MS4A5: variants seen among roughly 807,000 people sequenced by gnomAD.
MS4A5 encodes membrane-spanning 4-domains subfamily A member 5.
Under a neutral mutation model 18.2 loss-of-function variants are expected in MS4A5, and 15 were observed. That is an observed-to-expected ratio of 0.83 (90% CI 0.55 to 1.27). The LOEUF is 1.27. MS4A5 is among the 50% of genes most tolerant of loss of function. MS4A5 has a pLI of 0.00. For synonymous variants in MS4A5, 89 were observed against 78.7 expected (o/e 1.13, Z -0.69); for missense variants, 232 against 225.7 (o/e 1.03, Z -0.18).
chr11:60,434,081 T>C (rs1054418805), intron 4 of MS4A5, among the ~76,000 whole-genome samples, 164 bp downstream of exon 4: 1 of 152,202 alleles, frequency 6.6e-6, no homozygotes, highest in African/African-American at 2.4e-5. Context: ...CACCAGGCAT[T>C]GTGGAAGAGA....
At chr11:60,445,431 T>C (rs2086133688) in intron 4 of MS4A5, among the ~76,000 whole-genome samples, 1 of 152,052 alleles carries the variant, frequency 6.6e-6, no homozygotes, top group South Asian at 2.1e-4. Context: ...AGCTAATTTT[T>C]TGTATTTTAG....
chr11:60,437,531 T>C (rs2086087084), intron 4 of MS4A5, among the ~76,000 whole-genome samples: 1 of 152,144 alleles, frequency 6.6e-6, no homozygotes, highest in Non-Finnish European at 1.5e-5. Flanking sequence ...GAAATGCATC[T>C]CATGTGCAGA....
In MS4A5 at chr11:60,433,833, A is replaced by G. The variant is rs776231382; in HGVS notation, c.408A>G (p.Thr136=). ...CAATAGCTGGAATCATTCTCCTCAC[A>G]TTTGGTTTCATCCTAGATCAAAACT... The part of the protein sequence containing the change: ...LGAIAGIILL[T]FGFILDQNYI... The change falls in exon 4 of 5, where the codon ACA becomes ACG. Residue 136 remains threonine, a synonymous_variant. Transcript: ENST00000300190. 3 of 1,613,938 alleles carry G rather than the reference A, an allele frequency of 1.9e-6. No individual in the cohort carries two copies. The highest frequency in any genetic ancestry group is 1.7e-4 in the Middle Eastern group (1 of 6,060).
chr11:60,437,637 A>G (rs1163304472), intron 4 of MS4A5, among the ~76,000 whole-genome samples: 3 of 150,900 alleles, frequency 2.0e-5, no homozygotes, highest in South Asian at 4.2e-4. Context: ...TCTCTGATAA[A>G]ACAGACTTTA....
intron 4 of MS4A5, among the ~76,000 whole-genome samples, chr11:60,434,777 T>A (rs916908961): frequency 6.6e-6 from 1 of 152,198 alleles, no homozygotes; most frequent in Admixed American, 6.5e-5. Context: ...AAGCTACTTA[T>A]GCCTTCAGAC....
chr11:60,434,554 G>A (rs547081845), intron 4 of MS4A5, among the ~76,000 whole-genome samples: 1 of 152,268 alleles, frequency 6.6e-6, no homozygotes, highest in Non-Finnish European at 1.5e-5. Context: ...CAGAAAGCAG[G>A]ACTAAAGAGC....
chr11:60,447,274 C>CCTATG (rs368321160), intron 4 of MS4A5, among the ~76,000 whole-genome samples: 15 of 133,680 alleles, frequency 1.1e-4, no homozygotes, highest in African/African-American at 3.3e-4. Flanking sequence ...CCTATGGTAT[C>CCTATG]CTATGCTATG....
Position 60,429,587 on chromosome 11 carries a change from T to G in MS4A5, c.-88T>G, listed in dbSNP as rs1590829447. The G allele has an allele frequency of 7.7e-7, 1 of 1,295,070 alleles. No individual in the cohort carries two copies. Among genetic ancestry groups the G allele is most frequent in the Non-Finnish European group, 1.1e-6 (1 of 942,614 alleles). 80.2% of individuals were successfully genotyped at this position (1,295,070 alleles called of 1,614,324 possible). A position where few individuals can be genotyped will look rare whatever the true frequency, so the allele number is the denominator to read the frequency against. ...AAGACAAAGCAAACAATTCCAGTGC[T>G]CCAGGCAGCCTCAGCACAAGAAAAG... On this transcript the variant is annotated 5_prime_UTR_variant, in exon 1 of 5. Coordinates refer to ENST00000300190, the MANE Select transcript of MS4A5 (RefSeq NM_023945.3).
rs2086044923 is a variant in MS4A5, at chr11:60,430,867, A to G, written c.225A>G (p.Pro75=). 6.2e-7 allele frequency: 1 copy of G among 1,613,216 alleles called. No homozygotes were observed. The highest frequency in any genetic ancestry group is 8.5e-7 in the Non-Finnish European group (1 of 1,179,612). The change falls in exon 2 of 5, where the codon CCA becomes CCG. Residue 75 remains proline (P), a synonymous_variant. Transcript: ENST00000300190. ...TCTTCCTTTTCACCTTGTTAAAACC[A>G]TATCCAAGGTTTCCCTTTATATTTC... The part of the protein sequence containing the change: ...GVIFLFTLLK[P]YPRFPFIFLS...
At chr11:60,435,191 T>C (rs1047090750) in intron 4 of MS4A5, among the ~76,000 whole-genome samples, 2 of 152,146 alleles carry the variant, frequency 1.3e-5, no homozygotes, top group Non-Finnish European at 2.9e-5. Flanking sequence ...CCGAAGTCTA[T>C]CTAGGAGAAA....
rs1400678443 is a variant in MS4A5, at chr11:60,431,705, G to A, written c.283-706G>A. Among the ~76,000 whole-genome samples the A allele has an allele frequency of 3.3e-5, 5 of 152,330 alleles. No homozygotes were observed. In the East Asian group the frequency reaches 9.6e-4, roughly 29 times the overall value. On this transcript the variant is annotated intron_variant, in intron 2 of 4. Coordinates refer to ENST00000300190, the MANE Select transcript of MS4A5 (RefSeq NM_023945.3). Reference sequence around the variant, plus strand: ...ATCAGGTGAGGACACACACACAGAAGATGGGAGTTGGGATACCCAAGTGTA... The same window carrying A: ...ATCAGGTGAGGACACACACACAGAAAATGGGAGTTGGGATACCCAAGTGTA...
chr11:60,436,286 A>C (rs1444377718), intron 4 of MS4A5, among the ~76,000 whole-genome samples: 2 of 146,948 alleles, frequency 1.4e-5, no homozygotes, highest in Admixed American at 6.9e-5. Context: ...CATCACCATC[A>C]TCAAAGACCA....
chr11:60,439,169 A>G (rs2086097041), intron 4 of MS4A5, among the ~76,000 whole-genome samples: 1 of 126,864 alleles, frequency 7.9e-6, no homozygotes, highest in African/African-American at 3.1e-5. Context: ...GCCAAAGACA[A>G]AAACCACATG....
chr11:60,443,033 C>T (rs746371825), intron 4 of MS4A5, among the ~76,000 whole-genome samples: 5 of 151,966 alleles, frequency 3.3e-5, no homozygotes, highest in Non-Finnish European at 7.4e-5. Context: ...CCCAGCTACT[C>T]GGGAAGCTGA....
At chr11:60,438,587 G>A (rs563039612) in intron 4 of MS4A5, among the ~76,000 whole-genome samples, 9 of 151,996 alleles carry the variant, frequency 5.9e-5, no homozygotes, top group South Asian at 4.2e-4. Flanking sequence ...AATGATAAAG[G>A]GGATGTCACC....
Position 60,433,917 on chromosome 11 carries a change from G to C in MS4A5, c.492G>C (p.Leu164Phe). 4 of 1,613,238 alleles carry C rather than the reference G, an allele frequency of 2.5e-6. No individual in the cohort carries two copies. Among genetic ancestry groups the C allele is most frequent in the Non-Finnish European group, 3.4e-6 (4 of 1,179,550 alleles). The change falls in exon 4 of 5, where the codon TTG becomes TTC. Residue 164 changes from leucine to phenylalanine, a missense_variant and splice_region_variant. Coordinates refer to ENST00000300190, the MANE Select transcript of MS4A5 (RefSeq NM_023945.3). ...GTAAGGCTGTTACTGTCCTGTTCTT[G>C]GTAAGTATGTTGCATTTATAGAGTG... is the stretch of plus-strand genomic sequence containing the variant. ...SQCKAVTVLF[L>F]GILITLMTFS...
Position 60,429,760 on chromosome 11 carries a change from C to T in MS4A5, c.86C>T (p.Ser29Leu), listed in dbSNP as rs1362881223. The T allele has an allele frequency of 1.9e-6, 3 of 1,613,994 alleles. No individual in the cohort carries two copies. The highest frequency in any genetic ancestry group is 2.7e-5 in the African/African-American group (2 of 74,922). Residue 29 changes from serine (S) to leucine (L), a missense_variant, in exon 1 of 5, where the codon TCA (serine) becomes TTA (leucine). Coordinates refer to ENST00000300190, the MANE Select transcript of MS4A5 (RefSeq NM_023945.3). The part of the protein sequence containing the change: ...TASEYESTEL[S>L]ATTFSTQSPL... ...TCAGAATATGAGTCCACAGAACTTT[C>T]AGCCACGACCTTTTCAACTCAAAGC...
chr11:60,439,364 C>A (rs1590833625), intron 4 of MS4A5, among the ~76,000 whole-genome samples: 1 of 62,886 alleles, frequency 1.6e-5, no homozygotes, highest in African/African-American at 6.6e-5. Context: ...AAAACTGGCA[C>A]AAGACAGGGA....
intron 2 of MS4A5, 45 bp downstream of exon 2, chr11:60,430,969 G>T: frequency 1.3e-6 from 2 of 1,579,128 alleles, no homozygotes; most frequent in Non-Finnish European, 1.7e-6. Context: ...TGCCAACCAG[G>T]ATGTTAGGGA....
Sources: allele counts gnomAD v4.1 joint callset (sites outside exome capture counted in the v4.1 genomes callset), GRCh38; gene constraint gnomAD v4.1.1; transcripts MANE v1.5; gene names NCBI Gene and HGNC (gene_info 2026-07-23, HGNC 2026-07-21).